The following ABLIM1 variants were observed in gnomAD, a reference collection of about 807,000 sequenced individuals.
The protein encoded by ABLIM1 is actin-binding LIM protein 1.
ABLIM1 carries 40 observed loss-of-function variants against 107.0 expected under a neutral mutation model. The ratio of observed to expected loss-of-function variants is 0.37; its 90% CI spans 0.29 to 0.49. ABLIM1 has a LOEUF of 0.49. Ranked by LOEUF, ABLIM1 falls within the 20% of genes least tolerant of loss-of-function variation. ABLIM1 has a pLI of 0.97. For missense variants in ABLIM1, 857 were observed against 1,008.5 expected (o/e 0.85, Z 2.04); for synonymous variants, 357 against 357.3 (o/e 1.00, Z 0.01).
chr10:114,783,146 G>C, the ABLIM1 span, among the ~76,000 whole-genome samples: 12 of 151,958 alleles, frequency 7.9e-5, no homozygotes, highest in African/African-American at 2.9e-4. Context: ...GCTGGGTGTG[G>C]TGGTGGGTGC....
chr10:114,747,514 C>T (rs1341248377), intron 1 of ABLIM1, among the ~76,000 whole-genome samples: 1 of 152,158 alleles, frequency 6.6e-6, no homozygotes, highest in African/African-American at 2.4e-5. Context: ...CAGCTAATTC[C>T]AGAGGCAATG....
intron 1 of ABLIM1, among the ~76,000 whole-genome samples, chr10:114,653,268 A>T (rs1226684308): frequency 1.3e-5 from 2 of 152,244 alleles, no homozygotes; most frequent in African/African-American, 4.8e-5. Flanking sequence ...CAGGCGAGGT[A>T]TGGTGGCTTG....
chr10:114,444,605 AACAC>A (rs529496091), intron 16 of ABLIM1, among the ~76,000 whole-genome samples: 198 of 152,328 alleles, frequency 1.3e-3, no homozygotes, highest in Admixed American at 2.2e-3. Context: ...ACTCAGAAAT[AACAC>A]TATCTTTTGA....
At chr10:114,600,193 G>A (rs529247673) in intron 2 of ABLIM1, among the ~76,000 whole-genome samples, 26 of 152,248 alleles carry the variant, frequency 1.7e-4, no homozygotes, top group African/African-American at 6.0e-4. Flanking sequence ...CAGGACTCAA[G>A]CCACACAACG....
chr10:114,644,007 C>G (rs1451775584), intron 1 of ABLIM1, among the ~76,000 whole-genome samples: 1 of 151,592 alleles, frequency 6.6e-6, no homozygotes, highest in Non-Finnish European at 1.5e-5. Context: ...TCTGGCCAGG[C>G]ACAGTGGCTC....
At chr10:114,587,190 T>C (rs1344565620) in intron 2 of ABLIM1, among the ~76,000 whole-genome samples, 2 of 152,242 alleles carry the variant, frequency 1.3e-5, no homozygotes, top group Admixed American at 6.5e-5. Flanking sequence ...CTCATTGTTG[T>C]AATCTGAATT....
upstream of ABLIM1, among the ~76,000 whole-genome samples, chr10:114,689,650 C>G (rs1303365660): frequency 6.6e-6 from 1 of 152,090 alleles, no homozygotes. Flanking sequence ...GTATGAGCCA[C>G]CGCACCTGGC....
chr10:114,788,885 A>G, the ABLIM1 span, among the ~76,000 whole-genome samples: 1 of 152,216 alleles, frequency 6.6e-6, no homozygotes, highest in Non-Finnish European at 1.5e-5. Context: ...GTACCAAAAA[A>G]TTATTCATTG....
intron 1 of ABLIM1, among the ~76,000 whole-genome samples, 199 bp from the exon 2 acceptor site, chr10:114,602,160 A>G (rs2076063284): frequency 1.3e-5 from 2 of 152,130 alleles, no homozygotes; most frequent in African/African-American, 4.8e-5. Context: ...TCCCGGGGGG[A>G]AAACACCAGG....
intron 2 of ABLIM1, among the ~76,000 whole-genome samples, chr10:114,580,982 C>T (rs2073301172): frequency 6.6e-6 from 1 of 152,110 alleles, no homozygotes; most frequent in African/African-American, 2.4e-5. Context: ...AAAACATTCC[C>T]CACTCAAGGT....
At chr10:114,782,525 A>G in the ABLIM1 span, among the ~76,000 whole-genome samples, 3 of 152,206 alleles carry the variant, frequency 2.0e-5, no homozygotes, top group African/African-American at 4.8e-5. Flanking sequence ...CAGAACATAC[A>G]TGAGCTTAAA....
chr10:114,575,730 A>G, intron 2 of ABLIM1, 131 bp from the exon 3 acceptor site: 1 of 938,278 alleles, frequency 1.1e-6, no homozygotes, highest in South Asian at 1.7e-5. Context: ...GATGGCTACA[A>G]AGAGCTATTT....
At chr10:114,696,319 G>A (rs117961568) in intron 1 of ABLIM1, among the ~76,000 whole-genome samples, 167 of 152,324 alleles carry the variant, frequency 1.1e-3, no homozygotes, top group Non-Finnish European at 2.2e-3. Flanking sequence ...ATGATGGCAG[G>A]TTTTGTTTCT....
upstream of ABLIM1, among the ~76,000 whole-genome samples, chr10:114,659,430 T>C (rs1358110818): frequency 6.6e-6 from 1 of 151,974 alleles, no homozygotes; most frequent in Admixed American, 6.6e-5. Flanking sequence ...GGCAGGAGGA[T>C]TGGTTGAGTC....
intron 12 of ABLIM1, among the ~76,000 whole-genome samples, chr10:114,459,986 A>G (rs924594681): frequency 1.3e-5 from 2 of 152,354 alleles, no homozygotes; most frequent in African/African-American, 4.8e-5. Flanking sequence ...ATGGAAAAGT[A>G]AATATTTCTT....
At chr10:114,724,789 G>A (rs2081922848) in intron 1 of ABLIM1, among the ~76,000 whole-genome samples, 1 of 152,050 alleles carries the variant, frequency 6.6e-6, no homozygotes, top group Admixed American at 6.6e-5. Flanking sequence ...CTCAAAGAAG[G>A]CTATGAGGCC....
At chr10:114,509,099 C>T (rs565345998) in intron 6 of ABLIM1, among the ~76,000 whole-genome samples, 6 of 152,208 alleles carry the variant, frequency 3.9e-5, no homozygotes, top group South Asian at 2.1e-4. Context: ...ATGGAGAATG[C>T]GGAGAGCAGC....
chr10:114,607,790 A>G (rs1392474407), intron 1 of ABLIM1, among the ~76,000 whole-genome samples: 1 of 152,256 alleles, frequency 6.6e-6, no homozygotes, highest in African/African-American at 2.4e-5. Context: ...CTGAGAAATG[A>G]TCACAGCCAA....
Position 114,516,993 on chromosome 10 carries a change from G to A in ABLIM1, c.895-25115C>T, listed in dbSNP as rs974559568. ...AGTAGATGCCATTCCTTGGGACTCC[G>A]TTTTTTTTTGTTGTTGCTTTTTATC... On this transcript the variant is annotated intron_variant, in intron 6 of 22. Transcript: ENST00000533213. Among the ~76,000 whole-genome samples, 7 of 151,154 alleles carry A rather than the reference G, an allele frequency of 4.6e-5. No homozygotes were observed. In the South Asian group the frequency reaches 8.4e-4, roughly 18 times the overall value.
Sources: allele counts gnomAD v4.1 joint callset (sites outside exome capture counted in the v4.1 genomes callset), GRCh38; gene constraint gnomAD v4.1.1; transcripts MANE v1.5; gene names NCBI Gene and HGNC (gene_info 2026-07-23, HGNC 2026-07-21).